BRINP3: variants seen among roughly 807,000 people sequenced by gnomAD.
BRINP3 encodes the protein BMP/retinoic acid-inducible neural-specific protein 3.
BRINP3 carries 19 observed loss-of-function variants against 71.0 expected under a neutral mutation model. The ratio of observed to expected loss-of-function variants is 0.27; its 90% CI spans 0.19 to 0.39. BRINP3 has a LOEUF of 0.39. Ranked by LOEUF, BRINP3 falls within the 10% of genes least tolerant of loss-of-function variation. BRINP3 has a pLI of 1.00. For synonymous variants in BRINP3, 380 were observed against 337.7 expected, an observed-to-expected ratio of 1.13 and a Z score of -1.37; for missense variants, 959 against 940.8, an observed-to-expected ratio of 1.02 and a Z score of -0.25.
At position 190,322,764 on chromosome 1, in the gene BRINP3, A is replaced by G. The variant is rs140612654; in HGVS notation, c.237-41014T>C. Among the ~76,000 whole-genome samples, 995 of 152,164 alleles carry G rather than the reference A, an allele frequency of 6.5e-3. 5 individuals carry two copies. Among genetic ancestry groups the G allele is most frequent in the African/African-American group, 0.021 (885 of 41,524 alleles). ...AAATAGATATGCATATAAATATTAA[A>G]TTTTCTAATAAATATAAAGTTACAT... On this transcript the variant is annotated intron_variant, in intron 2 of 7. Coordinates refer to ENST00000367462, the MANE Select transcript of BRINP3 (RefSeq NM_199051.3).
intron 2 of BRINP3, among the ~76,000 whole-genome samples, chr1:190,437,596 A>C (rs149752883): frequency 9.2e-5 from 14 of 151,948 alleles, no homozygotes; most frequent in African/African-American, 2.9e-4. Context: ...TTATGGTAAT[A>C]CACTCACGTG....
chr1:190,188,461 A>C (rs1335114602), intron 6 of BRINP3, among the ~76,000 whole-genome samples: 11 of 152,096 alleles, frequency 7.2e-5, no homozygotes, highest in Admixed American at 6.6e-4. Flanking sequence ...AAAATCTTTC[A>C]ATTTTTCCCC....
chr1:190,472,215 G>A (rs1677182933), intron 1 of BRINP3, among the ~76,000 whole-genome samples: 1 of 151,592 alleles, frequency 6.6e-6, no homozygotes, highest in Non-Finnish European at 1.5e-5. Context: ...TGTGAGAGAT[G>A]AGAAAAATAA....
At chr1:190,421,316 A>ATAATT (rs1553316982) in intron 2 of BRINP3, among the ~76,000 whole-genome samples, 641 of 145,556 alleles carry the variant, frequency 4.4e-3, no homozygotes, top group Middle Eastern at 0.019. Flanking sequence ...TATTATTATT[A>ATAATT]TTATTATTAT....
chr1:190,101,984 A>G (rs572649486), intron 7 of BRINP3, among the ~76,000 whole-genome samples: 1 of 152,242 alleles, frequency 6.6e-6, no homozygotes, highest in Non-Finnish European at 1.5e-5. Flanking sequence ...TTCAGCTCTC[A>G]TGTATGAATA....
intron 2 of BRINP3, among the ~76,000 whole-genome samples, chr1:190,417,219 T>A (rs1289246107): frequency 6.6e-6 from 1 of 151,414 alleles, no homozygotes; most frequent in African/African-American, 2.4e-5. Context: ...AGAAAAAAAA[T>A]ATAAAACCTA....
chr1:190,332,171 T>C (rs1443763125), intron 2 of BRINP3, among the ~76,000 whole-genome samples: 1 of 152,056 alleles, frequency 6.6e-6, no homozygotes, highest in African/African-American at 2.4e-5. Context: ...AGAAGAAGTA[T>C]ATGAACACGT....
At chr1:190,408,578 G>C (rs1672457745) in intron 2 of BRINP3, among the ~76,000 whole-genome samples, 1 of 152,036 alleles carries the variant, frequency 6.6e-6, no homozygotes, top group Non-Finnish European at 1.5e-5. Context: ...TTAGAATAAG[G>C]ACAATTCAGC....
chr1:190,273,966 G>A (rs1442918374), intron 3 of BRINP3, among the ~76,000 whole-genome samples: 1 of 151,630 alleles, frequency 6.6e-6, no homozygotes, highest in Admixed American at 6.6e-5. Context: ...ACTATGAGCA[G>A]TTCATGATGC....
chr1:190,317,029 G>T (rs1291140327), intron 2 of BRINP3, among the ~76,000 whole-genome samples: 1 of 151,584 alleles, frequency 6.6e-6, no homozygotes, highest in Non-Finnish European at 1.5e-5. Context: ...AAAATTAGCC[G>T]GGCATGATGG....
At chr1:190,279,973 T>G (rs765385811) in intron 3 of BRINP3, among the ~76,000 whole-genome samples, 15 of 151,886 alleles carry the variant, frequency 9.9e-5, no homozygotes, top group Non-Finnish European at 1.3e-4. Context: ...CTACTGTAAA[T>G]GAAGGGCAAT....
intron 2 of BRINP3, among the ~76,000 whole-genome samples, chr1:190,396,526 A>T (rs1454417107): frequency 6.6e-6 from 1 of 151,400 alleles, no homozygotes; most frequent in African/African-American, 2.4e-5. Flanking sequence ...CTTACCAGCC[A>T]TCAACTACAG....
At chr1:190,330,615 C>A (rs1666902935) in intron 2 of BRINP3, among the ~76,000 whole-genome samples, 1 of 152,018 alleles carries the variant, frequency 6.6e-6, no homozygotes, top group African/African-American at 2.4e-5. Flanking sequence ...TTAGACCCAG[C>A]AATCCCATTA....
At chr1:190,110,628 A>G (rs1652583465) in intron 7 of BRINP3, among the ~76,000 whole-genome samples, 1 of 152,204 alleles carries the variant, frequency 6.6e-6, no homozygotes. Flanking sequence ...GTCCTGTAGT[A>G]TAAATGGAAT....
chr1:190,383,359 T>A (rs1670673800), intron 2 of BRINP3, among the ~76,000 whole-genome samples: 1 of 152,052 alleles, frequency 6.6e-6, no homozygotes, highest in Non-Finnish European at 1.5e-5. Flanking sequence ...TGAGAACTCA[T>A]CACAATGACA....
chr1:190,361,858 T>TCA (rs1669169163), intron 2 of BRINP3, among the ~76,000 whole-genome samples: 3 of 152,140 alleles, frequency 2.0e-5, no homozygotes, highest in African/African-American at 7.2e-5. Context: ...TTTTGACAGG[T>TCA]GGTGGTAAAT....
At chr1:190,273,766 G>A (rs1167117291) in intron 3 of BRINP3, among the ~76,000 whole-genome samples, 4 of 151,308 alleles carry the variant, frequency 2.6e-5, no homozygotes, top group African/African-American at 9.7e-5. Context: ...TTCTCAATTG[G>A]CATTCTCATA....
At chr1:190,221,670 A>T (rs1440662355) in intron 6 of BRINP3, among the ~76,000 whole-genome samples, 1 of 152,126 alleles carries the variant, frequency 6.6e-6, no homozygotes, top group Non-Finnish European at 1.5e-5. Flanking sequence ...GCCTTCAAAA[A>T]ATCCACTTAA....
intron 2 of BRINP3, among the ~76,000 whole-genome samples, chr1:190,430,776 G>T (rs1378431627): frequency 6.6e-6 from 1 of 152,072 alleles, no homozygotes. Flanking sequence ...TGAAAGTATT[G>T]ACAAAAACCA....
Sources: allele counts gnomAD v4.1 joint callset (sites outside exome capture counted in the v4.1 genomes callset), GRCh38; gene constraint gnomAD v4.1.1; transcripts MANE v1.5; gene names NCBI Gene and HGNC (gene_info 2026-07-23, HGNC 2026-07-21).